Variants in ERBB4 observed in about 807,000 individuals in gnomAD.
ERBB4 encodes erb-b2 receptor tyrosine kinase 4.
ERBB4 carries 42 observed loss-of-function variants against 158.0 expected under a neutral mutation model. That is an observed-to-expected ratio of 0.27 (90% CI 0.21 to 0.34). ERBB4 has a LOEUF of 0.34. Among genes scored for constraint, ERBB4 ranks in the 10% least tolerant of loss-of-function variants. The pLI is 1.00. For synonymous variants in ERBB4, 583 were observed against 558.7 expected (o/e 1.04, Z -0.61); for missense variants, 1,333 against 1,624.1 (o/e 0.82, Z 3.08).
At chr2:212,235,669 T>C (rs1209341274) in intron 1 of ERBB4, among the ~76,000 whole-genome samples, 1 of 152,214 alleles carries the variant, frequency 6.6e-6, no homozygotes, top group African/African-American at 2.4e-5. Flanking sequence ...TAGTTCTCCT[T>C]GAAGAGTCCT....
At chr2:212,085,007 T>G (rs573607931) in intron 2 of ERBB4, among the ~76,000 whole-genome samples, 46 of 152,094 alleles carry the variant, frequency 3.0e-4, no homozygotes, top group African/African-American at 1.1e-3. Flanking sequence ...TGAAGTGCTG[T>G]GCAGGTCAGT....
At chr2:212,055,790 T>G (rs896738795) in intron 2 of ERBB4, among the ~76,000 whole-genome samples, 15 of 152,056 alleles carry the variant, frequency 9.9e-5, no homozygotes, top group African/African-American at 3.4e-4. Flanking sequence ...ATCACCATCA[T>G]CAAAGAACAA....
intron 4 of ERBB4, among the ~76,000 whole-genome samples, chr2:211,780,862 C>A (rs1208191178): frequency 1.3e-5 from 2 of 152,024 alleles, no homozygotes; most frequent in African/African-American, 4.8e-5. Context: ...TTCAATGTAT[C>A]CTTTCCATGT....
intron 15 of ERBB4, among the ~76,000 whole-genome samples, chr2:211,664,688 C>G (rs2071557518): frequency 9.2e-6 from 1 of 108,724 alleles, no homozygotes; most frequent in Non-Finnish European, 2.1e-5. Flanking sequence ...ACAATGTATT[C>G]TTTTGAAAAA....
At chr2:211,514,179 T>C (rs2065964858) in intron 20 of ERBB4, among the ~76,000 whole-genome samples, 3 of 152,172 alleles carry the variant, frequency 2.0e-5, no homozygotes. Flanking sequence ...TTCTATTCTC[T>C]ACCTCCATGA....
intron 1 of ERBB4, among the ~76,000 whole-genome samples, chr2:212,472,294 C>A (rs1399124333): frequency 1.3e-5 from 2 of 151,760 alleles, no homozygotes; most frequent in African/African-American, 2.4e-5. Context: ...GCACAACAAC[C>A]TTTTACCATA....
chr2:211,716,041 G>A (rs1284224316), intron 7 of ERBB4, among the ~76,000 whole-genome samples: 1 of 152,146 alleles, frequency 6.6e-6, no homozygotes, highest in African/African-American at 2.4e-5. Flanking sequence ...CAGAATTCTG[G>A]ATTAGGAACT....
intron 1 of ERBB4, among the ~76,000 whole-genome samples, chr2:212,396,370 A>G (rs2091026530): frequency 6.6e-6 from 1 of 152,158 alleles, no homozygotes; most frequent in Non-Finnish European, 1.5e-5. Context: ...CAGTGATTCT[A>G]ATGCTAGATT....
chr2:211,489,683 G>A (rs1250972298), intron 20 of ERBB4, among the ~76,000 whole-genome samples: 4 of 151,746 alleles, frequency 2.6e-5, no homozygotes, highest in African/African-American at 9.7e-5. Flanking sequence ...GAATATGAAG[G>A]TATTGATTTA....
chr2:212,003,909 A>G (rs1260659572), intron 2 of ERBB4, among the ~76,000 whole-genome samples: 1 of 152,194 alleles, frequency 6.6e-6, no homozygotes, highest in Non-Finnish European at 1.5e-5. Flanking sequence ...CGTATATGCA[A>G]TAAAAGTCTC....
At chr2:212,103,548 A>G (rs2079142092) in intron 2 of ERBB4, among the ~76,000 whole-genome samples, 1 of 152,056 alleles carries the variant, frequency 6.6e-6, no homozygotes, top group African/African-American at 2.4e-5. Flanking sequence ...ACTCCTACAT[A>G]TCTGGATTTT....
chr2:211,613,736 TG>T (rs2069283789), intron 19 of ERBB4, among the ~76,000 whole-genome samples: 2 of 151,964 alleles, frequency 1.3e-5, no homozygotes, highest in Admixed American at 6.6e-5. Context: ...CCAGTTAAAA[TG>T]GCTTAATACT....
At chr2:212,440,520 T>C (rs111892571) in intron 1 of ERBB4, among the ~76,000 whole-genome samples, 5,714 of 152,254 alleles carry the variant, frequency 0.038, 366 homozygotes, top group African/African-American at 0.13. Flanking sequence ...CTATTAGTTC[T>C]ATCCCTCTAG....
At chr2:212,147,386 C>A (rs1027626831) in intron 1 of ERBB4, among the ~76,000 whole-genome samples, 3 of 151,442 alleles carry the variant, frequency 2.0e-5, no homozygotes, top group Admixed American at 6.6e-5. Flanking sequence ...AGATTTAATC[C>A]AGCATCATTT....
chr2:212,396,846 T>G (rs2091041319), intron 1 of ERBB4, among the ~76,000 whole-genome samples: 1 of 152,146 alleles, frequency 6.6e-6, no homozygotes, highest in African/African-American at 2.4e-5. Flanking sequence ...AGATAAAGTT[T>G]AAGAATTTCT....
At chr2:211,462,310 C>G (rs2064556904) in intron 20 of ERBB4, among the ~76,000 whole-genome samples, 1 of 152,046 alleles carries the variant, frequency 6.6e-6, no homozygotes, top group African/African-American at 2.4e-5. Flanking sequence ...TCACTTCCCA[C>G]CAGGCCCCAC....
At position 211,477,242 on chromosome 2, in the gene ERBB4, C is replaced by T. The variant is rs536828124; in HGVS notation, c.2488-46142G>A. The stretch of plus-strand genomic sequence containing the variant: ...CTTGGACTCCAGCCTGCCAGCCCTA[C>T]CCTGTGATTTTAGATTTACCAAGTC... On this transcript the variant is annotated intron_variant, in intron 20 of 27. Coordinates refer to ENST00000342788, the MANE Select transcript of ERBB4 (RefSeq NM_005235.3). Among the ~76,000 whole-genome samples the T allele has an allele frequency of 1.2e-3, 178 of 152,134 alleles. 1 individual carries two copies. The highest frequency in any genetic ancestry group is 1.9e-3 in the Non-Finnish European group (127 of 67,998).
intron 9 of ERBB4, among the ~76,000 whole-genome samples, chr2:211,709,739 G>T (rs79670715): frequency 0.023 from 3,434 of 152,142 alleles, 118 homozygotes; most frequent in African/African-American, 0.076. Context: ...TTCATGCTTG[G>T]TCATACTTTG....
At chr2:211,970,315 AT>A (rs773557386) in intron 2 of ERBB4, among the ~76,000 whole-genome samples, 91 of 152,272 alleles carry the variant, frequency 6.0e-4, no homozygotes, top group Non-Finnish European at 4.0e-4. Flanking sequence ...TGTGTAATCA[AT>A]TTTAGAGTAA....
Sources: allele counts gnomAD v4.1 joint callset (sites outside exome capture counted in the v4.1 genomes callset), GRCh38; gene constraint gnomAD v4.1.1; transcripts MANE v1.5; gene names NCBI Gene and HGNC (gene_info 2026-07-23, HGNC 2026-07-21).